PHC2: variants seen among roughly 807,000 people sequenced by gnomAD.
PHC2 encodes the protein polyhomeotic homolog 2.
In PHC2, 29 loss-of-function variants were observed where a neutral mutation model predicts 87.4. The ratio of observed to expected loss-of-function variants is 0.33; its 90% CI spans 0.25 to 0.45. PHC2 has a LOEUF of 0.45. PHC2 is among the 20% of genes least tolerant of loss of function. PHC2 has a pLI of 1.00. For missense variants in PHC2, 857 were observed against 1,136.7 expected (o/e 0.75, Z 3.54); for synonymous variants, 438 against 461.7 (o/e 0.95, Z 0.66).
intron 1 of PHC2, among the ~76,000 whole-genome samples, chr1:33,417,007 G>T (rs1314159357): frequency 1.3e-5 from 2 of 152,062 alleles, no homozygotes; most frequent in African/African-American, 4.8e-5. Context: ...AAAAATGGAA[G>T]TATATAGTTT....
intron 1 of PHC2, among the ~76,000 whole-genome samples, chr1:33,406,119 G>C (rs1357451742): frequency 6.6e-6 from 1 of 152,072 alleles, no homozygotes; most frequent in Non-Finnish European, 1.5e-5. Context: ...TAATGAATTT[G>C]TCTTTTTCCT....
At chr1:33,351,186 C>T (rs1474862711) in intron 9 of PHC2, among the ~76,000 whole-genome samples, 1 of 152,116 alleles carries the variant, frequency 6.6e-6, no homozygotes, top group African/African-American at 2.4e-5. Context: ...ACAATATGTA[C>T]GTGAAGGAGT....
At chr1:33,346,942 G>A (rs1255293862) in intron 9 of PHC2, 1 of 985,202 alleles carries the variant, frequency 1.0e-6, no homozygotes, top group Non-Finnish European at 1.2e-6. Flanking sequence ...GTAGAGAGGG[G>A]ACAGCCTATG....
In PHC2 at chr1:33,329,075, A is replaced by T. The variant is rs1365208994; in HGVS notation, c.2220T>A (p.Arg740=). Residue 740 remains arginine (R), a synonymous_variant, in exon 14 of 15, where the codon CGT becomes CGA. Coordinates refer to ENST00000683057, the MANE Select transcript of PHC2 (RefSeq NM_001385109.1). ...CCTCATAGCTTGAGTTATCTGAGCA[A>T]CGGCTGGAGTCTTCCTGGCTGTGTG... ...QLTHSQEDSS[R]CSDNSSYEEP... 6.2e-7 allele frequency: 1 copy of T among 1,614,222 alleles called. No homozygotes were observed. Among genetic ancestry groups the T allele is most frequent in the Non-Finnish European group, 8.5e-7 (1 of 1,180,032 alleles).
At position 33,411,616 on chromosome 1, in the gene PHC2, A is replaced by G. The variant is rs185513355; in HGVS notation, c.-55+19360T>C. Among the ~76,000 whole-genome samples, 465 of 152,242 alleles carry G rather than the reference A, an allele frequency of 3.1e-3. 1 individual carries two copies. The highest frequency in any genetic ancestry group is 0.011 in the African/African-American group (438 of 41,540). On this transcript the variant is annotated intron_variant, in intron 1 of 14. Transcript: ENST00000683057. The stretch of plus-strand genomic sequence containing the variant: ...TTGCTCTGTCACCAGGCTGGAGTGC[A>G]GTGGCATGATCTCGGCTCACTGTGA...
intron 1 of PHC2, among the ~76,000 whole-genome samples, chr1:33,376,608 G>A (rs1354907099): frequency 6.6e-6 from 1 of 152,190 alleles, no homozygotes; most frequent in Non-Finnish European, 1.5e-5. Context: ...TATTTATACA[G>A]CCACCTAGTG....
chr1:33,363,101 T>C (rs1168745592), intron 7 of PHC2: 1 of 152,172 alleles, frequency 6.6e-6, no homozygotes, highest in East Asian at 1.9e-4. Context: ...AACAGAAGCC[T>C]AGGATGAAGA....
Position 33,335,253 on chromosome 1 carries a change from G to A in PHC2, c.1559-961C>T, listed in dbSNP as rs151263069. The A allele has an allele frequency of 2.9e-3, 2,905 of 985,312 alleles. 3 individuals carry two copies. The highest frequency in any genetic ancestry group is 3.3e-3 in the Non-Finnish European group (2,717 of 829,862). The allele number at this position is 985,312 out of a possible 1,614,324, so 61.0% of individuals were successfully genotyped here. ...CTGTCTCATTGTCTTAGACGTGCAA[G>A]ACTTCATCTCCTCACTTCTGTAACT... On this transcript the variant is annotated intron_variant, in intron 9 of 14. Transcript: ENST00000683057.
At chr1:33,342,808 T>C (rs946432537) in intron 9 of PHC2, among the ~76,000 whole-genome samples, 15 of 152,164 alleles carry the variant, frequency 9.9e-5, no homozygotes, top group African/African-American at 2.2e-4. Context: ...TCCCAGATAG[T>C]CTCACATCAT....
intron 7 of PHC2, among the ~76,000 whole-genome samples, chr1:33,358,060 C>T (rs563150807): frequency 1.3e-5 from 2 of 152,224 alleles, no homozygotes; most frequent in East Asian, 3.9e-4. Context: ...GAGGTCTGGG[C>T]TAGGTGATCA....
At chr1:33,412,643 G>A (rs1650030152) in intron 1 of PHC2, among the ~76,000 whole-genome samples, 1 of 152,136 alleles carries the variant, frequency 6.6e-6, no homozygotes, top group African/African-American at 2.4e-5. Flanking sequence ...TACAGTGCCA[G>A]ATATATGTAC....
intron 7 of PHC2, chr1:33,363,800 A>C (rs1253829037): frequency 1.0e-6 from 1 of 985,196 alleles, no homozygotes; most frequent in African/African-American, 1.7e-5. Flanking sequence ...CCAAGAACCA[A>C]GTCTCCTATC....
chr1:33,327,624 A>T (rs1329465532), intron 14 of PHC2, among the ~76,000 whole-genome samples: 1 of 152,244 alleles, frequency 6.6e-6, no homozygotes, highest in Non-Finnish European at 1.5e-5. Flanking sequence ...GTGGCTTCAG[A>T]GGCTAGATCA....
chr1:33,337,774 C>T (rs1214551368), intron 9 of PHC2, among the ~76,000 whole-genome samples: 1 of 152,196 alleles, frequency 6.6e-6, no homozygotes, highest in Non-Finnish European at 1.5e-5. Flanking sequence ...TCATCCTAGG[C>T]CCTCTCTGCC....
intron 1 of PHC2, among the ~76,000 whole-genome samples, chr1:33,387,842 C>A (rs1341686759): frequency 6.6e-6 from 1 of 152,242 alleles, no homozygotes; most frequent in Non-Finnish European, 1.5e-5. Flanking sequence ...GCCTATCTCA[C>A]AAGAGTCATC....
intron 5 of PHC2, 144 bp downstream of exon 5, chr1:33,370,277 A>C: frequency 1.4e-6 from 1 of 718,914 alleles, no homozygotes; most frequent in Non-Finnish European, 2.2e-6. Context: ...TCAGCCTTCC[A>C]GGCCCCCTTC....
intron 1 of PHC2, among the ~76,000 whole-genome samples, chr1:33,401,018 T>C (rs1441556155): frequency 6.6e-6 from 1 of 152,160 alleles, no homozygotes. Flanking sequence ...TAAATCTTTT[T>C]GTAACATAAA....
At chr1:33,346,077 C>A in intron 9 of PHC2, 2 of 985,340 alleles carry the variant, frequency 2.0e-6, no homozygotes, top group Middle Eastern at 5.2e-4. Flanking sequence ...AGACTCCCAT[C>A]TTGAGGGGTA....
chr1:33,410,374 G>A (rs941329121), intron 1 of PHC2, among the ~76,000 whole-genome samples: 1 of 152,224 alleles, frequency 6.6e-6, no homozygotes. Context: ...GTAACAGACA[G>A]AGCTAAAGAA....
Sources: allele counts gnomAD v4.1 joint callset (sites outside exome capture counted in the v4.1 genomes callset), GRCh38; gene constraint gnomAD v4.1.1; transcripts MANE v1.5; gene names NCBI Gene and HGNC (gene_info 2026-07-23, HGNC 2026-07-21).